The following LTA variants were observed in gnomAD, a reference collection of about 807,000 sequenced individuals.
The protein encoded by LTA is lymphotoxin alpha.
In LTA, 6 loss-of-function variants were observed where a neutral mutation model predicts 15.1. That is an observed-to-expected ratio of 0.40 (90% confidence interval 0.22 to 0.78). LTA has a LOEUF of 0.78. Among genes scored for constraint, LTA ranks in the 30% least tolerant of loss-of-function variants. LTA has a pLI of 0.38. For missense variants in LTA, 173 were observed against 249.5 expected (o/e 0.69, Z 2.06); for synonymous variants, 87 against 107.3 (o/e 0.81, Z 1.17).
At chr6:31,572,704 G>GTCTC (rs5875327) in intron 1 of LTA, 30 bp from the exon 2 acceptor site, 348 of 1,437,436 alleles carry the variant, frequency 2.4e-4, no homozygotes, top group South Asian at 1.4e-3. Context: ...CCCGCTCACT[G>GTCTC]TCTCTCTCTC....
upstream of LTA, among the ~76,000 whole-genome samples, chr6:31,569,210 C>T (rs1399251468): frequency 6.6e-6 from 1 of 152,056 alleles, no homozygotes; most frequent in Non-Finnish European, 1.5e-5. Context: ...GGAGTTTCAC[C>T]GTATTAGCCA....
rs1290487566 is a variant in LTA at position 31,573,425 on chromosome 6, G to A, written c.350G>A (p.Gly117Glu). The A allele has an allele frequency of 6.2e-7, 1 of 1,614,080 alleles. No homozygotes were observed. Residue 117 changes from glycine (G) to glutamate (E), a missense_variant, in exon 4 of 4, where the codon GGG becomes GAG. Physicochemically the swap from Gly to Glu is moderately conservative, Grantham distance 98 (BLOSUM62 -2). Coordinates refer to ENST00000418386, the MANE Select transcript of LTA (RefSeq NM_000595.4). Reference protein sequence around the residue: ...YFVYSQVVFSGKAYSPKATSS... With the variant: ...YFVYSQVVFSEKAYSPKATSS... ...GTCTACTCCCAGGTGGTCTTCTCTG[G>A]GAAAGCCTACTCTCCCAAGGCCACC...
Position 31,573,992 on chromosome 6 carries a change from A to G in LTA, c.*299A>G. 2 of 580,538 alleles carry G rather than the reference A, an allele frequency of 3.4e-6. No homozygotes were observed. Among genetic ancestry groups the G allele is most frequent in the South Asian group, 3.7e-5 (2 of 53,874 alleles). 36.0% of individuals were successfully genotyped at this position (580,538 alleles called of 1,614,324 possible). Reference sequence around the variant, plus strand: ...AGCTAGGTGGGGCCTAGATCCACACACAGAGGAAGAGCAGGCACATGGAGG... The same window carrying G: ...AGCTAGGTGGGGCCTAGATCCACACGCAGAGGAAGAGCAGGCACATGGAGG... On this transcript the variant is annotated 3_prime_UTR_variant, in exon 4 of 4. Transcript: ENST00000418386.
upstream of LTA, among the ~76,000 whole-genome samples, chr6:31,567,358 C>T (rs1465036580): frequency 2.6e-5 from 4 of 152,008 alleles, no homozygotes; most frequent in African/African-American, 9.7e-5. Context: ...GAGTTCGAGA[C>T]CAGCCTGAGC....
chr6:31,562,175 G>T, the LTA span, among the ~76,000 whole-genome samples: 4 of 152,018 alleles, frequency 2.6e-5, no homozygotes, highest in Non-Finnish European at 5.9e-5. Flanking sequence ...AAGAGGTCTA[G>T]TAAATGAGGG....
the LTA span, among the ~76,000 whole-genome samples, chr6:31,566,920 A>T: frequency 1.1e-4 from 17 of 151,996 alleles, no homozygotes; most frequent in Middle Eastern, 6.8e-3. Flanking sequence ...AGCCTGGGCA[A>T]CAGAGTGAGA....
intron 1 of LTA, 52 bp from the exon 2 acceptor site, chr6:31,572,682 C>T (rs1268957406): frequency 4.3e-6 from 6 of 1,385,528 alleles, no homozygotes; most frequent in East Asian, 4.6e-5. Context: ...TGTCTTCCGC[C>T]GCGTGCCCCG....
Position 31,572,628 on chromosome 6 carries a change from C to G in LTA, c.-9-106C>G, listed in dbSNP as rs1770898379. ...ATCTTGTCCCCTTCTCTGTCGATCTCTCTCTCGGGGGTCGGGGGGTGCTCT... is the reference window on the plus strand; with the variant it reads ...ATCTTGTCCCCTTCTCTGTCGATCTGTCTCTCGGGGGTCGGGGGGTGCTCT... On this transcript the variant is annotated intron_variant, in intron 1 of 3. Coordinates refer to ENST00000418386, the MANE Select transcript of LTA (RefSeq NM_000595.4). 1.1e-5 allele frequency: 8 copies of G among 730,486 alleles called. No homozygotes were observed. The South Asian group carries it at 1.3e-4, about 12-fold the overall frequency. 45.3% of individuals were successfully genotyped at this position (730,486 alleles called of 1,614,324 possible). A position where few individuals can be genotyped will look rare whatever the true frequency, so the allele number is the denominator to read the frequency against.
chr6:31,572,782 G>A lies in LTA; in HGVS notation c.40G>A (p.Gly14Ser). 4.3e-6 allele frequency: 7 copies of A among 1,610,808 alleles called. No homozygotes were observed. Among genetic ancestry groups the A allele is most frequent in the Non-Finnish European group, 5.1e-6 (6 of 1,179,734 alleles). The change falls in exon 2 of 4, where the codon GGC becomes AGC. Residue 14 changes from glycine to serine, a missense_variant. Coordinates refer to ENST00000418386, the MANE Select transcript of LTA (RefSeq NM_000595.4). ...ACGTCTCTTCCTCCCAAGGGTGTGT[G>A]GCACCACCCTACACCTCCTCCTTCT... ...PERLFLPRVC[G>S]TTLHLLLLGL...
chr6:31,562,120 C>A, the LTA span, among the ~76,000 whole-genome samples: 14 of 148,324 alleles, frequency 9.4e-5, no homozygotes, highest in Non-Finnish European at 1.6e-4. Flanking sequence ...GCACGGGGGG[C>A]GGGGGATGCC....
chr6:31,571,136 C>T (rs1224586477), upstream of LTA, among the ~76,000 whole-genome samples: 1 of 150,978 alleles, frequency 6.6e-6, no homozygotes, highest in Non-Finnish European at 1.5e-5. Flanking sequence ...TCTTGACTCA[C>T]TGCAGCCTCC....
At position 31,573,621 on chromosome 6, in the gene LTA, C is replaced by T; in HGVS notation, c.546C>T (p.Ser182=). The change falls in exon 4 of 4, where the codon TCC becomes TCT. Residue 182 remains serine, a synonymous_variant. Coordinates refer to ENST00000418386, the MANE Select transcript of LTA (RefSeq NM_000595.4). ...AGCTCACCCAGGGAGACCAGCTATC[C>T]ACCCACACAGATGGCATCCCCCACC... The part of the protein sequence containing the change: ...AFQLTQGDQL[S]THTDGIPHLV... 6.2e-7 allele frequency: 1 copy of T among 1,614,044 alleles called. No individual in the cohort carries two copies. The highest frequency in any genetic ancestry group is 8.5e-7 in the Non-Finnish European group (1 of 1,179,956).
chr6:31,562,841 CAG>C, the LTA span, among the ~76,000 whole-genome samples: 1 of 118,536 alleles, frequency 8.4e-6, no homozygotes, highest in African/African-American at 3.5e-5. Flanking sequence ...GCCTGGGTGA[CAG>C]AGCGAGACTC....
At chr6:31,570,720 T>TA (rs1770786911), upstream of LTA, among the ~76,000 whole-genome samples, 1 of 151,922 alleles carries the variant, frequency 6.6e-6, no homozygotes. Context: ...TAATTTTTTT[T>TA]AAAAACATTA....
At chr6:31,571,204 A>G (rs1346475269), upstream of LTA, among the ~76,000 whole-genome samples, 1 of 151,846 alleles carries the variant, frequency 6.6e-6, no homozygotes, top group African/African-American at 2.4e-5. Context: ...GGGACTGCAG[A>G]TGCGCACCAG....
chr6:31,569,246 T>G (rs967862141), upstream of LTA, among the ~76,000 whole-genome samples: 1 of 152,172 alleles, frequency 6.6e-6, no homozygotes, highest in Admixed American at 6.6e-5. Flanking sequence ...CCTGACCTTG[T>G]GATCTGCTCG....
upstream of LTA, among the ~76,000 whole-genome samples, chr6:31,567,765 G>T (rs1770656986): frequency 6.6e-6 from 1 of 151,548 alleles, no homozygotes; most frequent in Non-Finnish European, 1.5e-5. Context: ...TTCTTGCATG[G>T]CCCTGCATGA....
chr6:31,565,756 G>A, the LTA span, among the ~76,000 whole-genome samples: 1 of 152,122 alleles, frequency 6.6e-6, no homozygotes, highest in African/African-American at 2.4e-5. Flanking sequence ...CCCCTGGAAT[G>A]TATAATATAT....
the LTA span, among the ~76,000 whole-genome samples, chr6:31,561,793 G>A: frequency 6.6e-6 from 1 of 152,102 alleles, no homozygotes. Context: ...GCAGTCTAAT[G>A]AGACAGTATA....
Sources: gnomAD v4.1 joint callset for allele counts (sites outside exome capture counted in the v4.1 genomes callset) on GRCh38, gnomAD v4.1.1 for gene constraint, MANE v1.5 for transcripts, NCBI Gene and HGNC (gene_info 2026-07-23, HGNC 2026-07-21) for gene names.